The following ACSM4 variants were observed in gnomAD, a reference collection of about 807,000 sequenced individuals.
The protein encoded by ACSM4 is acyl-coenzyme A synthetase ACSM4, mitochondrial.
In ACSM4, 66 loss-of-function variants were observed where a neutral mutation model predicts 73.0. The observed-to-expected ratio is 0.90, with a 90% confidence interval of 0.74 to 1.11. ACSM4 has a LOEUF of 1.11. ACSM4 is among the 50% of genes least tolerant of loss of function. ACSM4 has a pLI of 0.00. For synonymous variants in ACSM4, 222 were observed against 254.0 expected (o/e 0.87, Z 1.20); for missense variants, 645 against 714.4 (o/e 0.90, Z 1.11).
chr12:7,317,318 C>A (rs1165043384), intron 4 of ACSM4, 38 bp downstream of exon 4: 1 of 1,526,382 alleles, frequency 6.6e-7, no homozygotes. Flanking sequence ...GGTGAACTCC[C>A]CCAAAGCTGC....
intron 2 of ACSM4, among the ~76,000 whole-genome samples, chr12:7,307,734 C>T (rs1946369638): frequency 6.6e-6 from 1 of 152,172 alleles, no homozygotes. Context: ...TGGAATACAG[C>T]CATGCTCATT....
intron 12 of ACSM4, among the ~76,000 whole-genome samples, chr12:7,327,541 T>C (rs966532892): frequency 6.6e-6 from 1 of 152,186 alleles, no homozygotes; most frequent in Non-Finnish European, 1.5e-5. Context: ...ATGGAATCTT[T>C]CCTGAAACCT....
At chr12:7,307,752 A>T (rs1412917883) in intron 2 of ACSM4, among the ~76,000 whole-genome samples, 1 of 152,202 alleles carries the variant, frequency 6.6e-6, no homozygotes, top group Admixed American at 6.5e-5. Flanking sequence ...ATTTATTTAT[A>T]CACCGTCTAT....
Position 7,328,585 on chromosome 12 carries a change from C to A in ACSM4, c.*212C>A, listed in dbSNP as rs190385028. The A allele has an allele frequency of 3.7e-5, 12 of 328,136 alleles. No individual in the cohort carries two copies. The Admixed American group carries it at 4.8e-4, about 13-fold the overall frequency. 20.3% of individuals were successfully genotyped at this position (328,136 alleles called of 1,614,324 possible). ...GATGAAAATTGTTATAATGACCAAACTGACAAAGGTAATGATGATGATTTG... is the reference window on the plus strand; with the variant it reads ...GATGAAAATTGTTATAATGACCAAAATGACAAAGGTAATGATGATGATTTG... On this transcript the variant is annotated 3_prime_UTR_variant, in exon 13 of 13. Transcript: ENST00000399422.
At chr12:7,327,654 A>C (rs1234911545) in intron 12 of ACSM4, among the ~76,000 whole-genome samples, 1 of 152,168 alleles carries the variant, frequency 6.6e-6, no homozygotes, top group Non-Finnish European at 1.5e-5. Flanking sequence ...GATCCTCTGC[A>C]TGAGATTTCT....
At chr12:7,325,134 G>T (rs1327367003) in intron 11 of ACSM4, among the ~76,000 whole-genome samples, 1 of 152,248 alleles carries the variant, frequency 6.6e-6, no homozygotes, top group Non-Finnish European at 1.5e-5. Flanking sequence ...GTGGTTCAGA[G>T]ACTGGTACAT....
At chr12:7,319,096 C>G (rs906280561) in intron 5 of ACSM4, among the ~76,000 whole-genome samples, 15 of 152,098 alleles carry the variant, frequency 9.9e-5, no homozygotes, top group African/African-American at 3.1e-4. Flanking sequence ...TCAGTGGAAG[C>G]CCTGAGATTG....
rs757924910 is a variant in ACSM4, at chr12:7,324,502, C to T, written c.1440C>T (p.Tyr480=). Residue 480 remains tyrosine, a synonymous_variant, in exon 11 of 13, where the codon TAC becomes TAT. Transcript: ENST00000399422. ...AAAAACTTCTTTTCCTCTTCAGGTA[C>T]CGTATTGGGCCATTTGAAGTGGAGA... The part of the protein sequence containing the change: ...RADDVIISSG[Y]RIGPFEVESA... 1 of 1,613,920 alleles carries T rather than the reference C, an allele frequency of 6.2e-7. No homozygotes were observed. Among genetic ancestry groups the T allele is most frequent in the Non-Finnish European group, 8.5e-7 (1 of 1,179,868 alleles).
chr12:7,327,005 A>G lies in ACSM4; in HGVS notation c.1566A>G (p.Ala522=). ...TGAAAGCTTTTGTTGTCTTAGCTGC[A>G]CCCTTTAAGTCCTACAACCCAGAGA... is the stretch of plus-strand genomic sequence containing the variant. ...EVVKAFVVLA[A]PFKSYNPEKL... is the part of the protein sequence containing the mutation. Residue 522 remains alanine (A), a synonymous_variant, in exon 12 of 13, where the codon GCA becomes GCG. Coordinates refer to ENST00000399422, the MANE Select transcript of ACSM4 (RefSeq NM_001080454.2). 1 of 1,612,282 alleles carries G rather than the reference A, an allele frequency of 6.2e-7. No individual in the cohort carries two copies. Among genetic ancestry groups the G allele is most frequent in the Non-Finnish European group, 8.5e-7 (1 of 1,179,350 alleles).
intron 5 of ACSM4, 96 bp downstream of exon 5, chr12:7,318,278 G>A: frequency 1.4e-6 from 2 of 1,476,334 alleles, no homozygotes; most frequent in Non-Finnish European, 1.8e-6. Flanking sequence ...AAGGCTTCTT[G>A]GGCTTTTGGA....
chr12:7,314,579 TA>T (rs1306226370), intron 3 of ACSM4, among the ~76,000 whole-genome samples: 5 of 151,990 alleles, frequency 3.3e-5, no homozygotes, highest in Non-Finnish European at 7.4e-5. Context: ...GATGAATAGA[TA>T]GATGAAAGAT....
chr12:7,320,826 T>A, intron 6 of ACSM4, 22 bp downstream of exon 6: 1 of 1,575,660 alleles, frequency 6.3e-7, no homozygotes, highest in Non-Finnish European at 8.7e-7. Flanking sequence ...GAAATCTCCA[T>A]TTGAACCACA....
chr12:7,323,384 C>T (rs1243688120), intron 8 of ACSM4, 70 bp downstream of exon 8: 4 of 1,591,778 alleles, frequency 2.5e-6, no homozygotes, highest in Non-Finnish European at 3.4e-6. Context: ...CTATTCATTG[C>T]ACAACTATTC....
At chr12:7,312,409 G>A (rs1946396250) in intron 3 of ACSM4, among the ~76,000 whole-genome samples, 2 of 152,094 alleles carry the variant, frequency 1.3e-5, no homozygotes. Flanking sequence ...GTTAATTAAT[G>A]GCATTATCTT....
Position 7,323,295 on chromosome 12 carries a change from T to C in ACSM4, c.1187T>C (p.Met396Thr). 5.6e-6 allele frequency: 9 copies of C among 1,611,078 alleles called. No homozygotes were observed. Among genetic ancestry groups the C allele is most frequent in the Non-Finnish European group, 7.6e-6 (9 of 1,178,716 alleles). Residue 396 changes from methionine to threonine, a missense_variant, in exon 8 of 13, where the codon ATG becomes ACG. Transcript: ENST00000399422. The stretch of plus-strand genomic sequence containing the variant: ...AAACCAGGTTCAATGGGGAAAGGAA[T>C]GCTGCCCTATGATGTCCAGGTAGGT... ...EIKPGSMGKGMLPYDVQIIDE... is the reference protein window; with the variant it reads ...EIKPGSMGKGTLPYDVQIIDE...
At chr12:7,315,257 C>T (rs1224678124) in intron 3 of ACSM4, among the ~76,000 whole-genome samples, 2 of 151,846 alleles carry the variant, frequency 1.3e-5, no homozygotes, top group Non-Finnish European at 2.9e-5. Flanking sequence ...ACTCATTCAC[C>T]ATCAAGATTA....
chr12:7,327,713 C>A (rs1946519267), intron 12 of ACSM4, among the ~76,000 whole-genome samples: 1 of 152,164 alleles, frequency 6.6e-6, no homozygotes, highest in Non-Finnish European at 1.5e-5. Flanking sequence ...AAACTACTCA[C>A]ATTTTCTCCA....
At chr12:7,319,090 TG>T in intron 5 of ACSM4, among the ~76,000 whole-genome samples, 1 of 152,324 alleles carries the variant, frequency 6.6e-6, no homozygotes, top group Non-Finnish European at 1.5e-5. Flanking sequence ...GTAGAATCAG[TG>T]GAAGCCCTGA....
chr12:7,319,714 G>A (rs571593975), intron 5 of ACSM4, among the ~76,000 whole-genome samples: 15 of 149,792 alleles, frequency 1.0e-4, no homozygotes, highest in Non-Finnish European at 1.6e-4. Context: ...CCTTTGGGTT[G>A]GGGATCCCTG....
Sources: gnomAD v4.1 joint callset for allele counts (sites outside exome capture counted in the v4.1 genomes callset) on GRCh38, gnomAD v4.1.1 for gene constraint, MANE v1.5 for transcripts, NCBI Gene and HGNC (gene_info 2026-07-23, HGNC 2026-07-21) for gene names.